FBLIM1: variants seen among roughly 807,000 people sequenced by gnomAD.
FBLIM1 encodes filamin binding LIM protein 1.
In FBLIM1, 29 loss-of-function variants were observed where a neutral mutation model predicts 37.4. That is an observed-to-expected ratio of 0.77 (90% CI 0.58 to 1.06). The LOEUF is 1.06. Ranked by LOEUF, FBLIM1 falls within the 50% of genes least tolerant of loss-of-function variation. The probability of loss-of-function intolerance (pLI) is 0.00; values close to 1 mark genes in which losing one functional copy is unlikely to be tolerated. For synonymous variants in FBLIM1, 193 were observed against 199.0 expected (o/e 0.97, Z 0.25); for missense variants, 449 against 505.6 (o/e 0.89, Z 1.07).
Position 15,777,264 on chromosome 1 carries a change from C to G in FBLIM1, c.985C>G (p.His329Asp). Residue 329 changes from histidine to aspartate, a missense_variant, in exon 8 of 9, where the codon CAT becomes GAT. His to Asp is a moderately conservative substitution (Grantham distance 81). Coordinates refer to ENST00000375766, the MANE Select transcript of FBLIM1 (RefSeq NM_017556.4). ...FKIECMGRNF[H>D]ENCYRCEDCR... ...AATCGAATGCATGGGAAGAAACTTC[C>G]ATGAAAATTGCTACAGGTGTGAGGT... 1.2e-6 allele frequency: 2 copies of G among 1,613,144 alleles called. No homozygotes were observed. Among genetic ancestry groups the G allele is most frequent in the Non-Finnish European group, 1.7e-6 (2 of 1,179,244 alleles).
chr1:15,766,891 C>CT (rs36087502), intron 3 of FBLIM1, among the ~76,000 whole-genome samples: 87,655 of 133,100 alleles, frequency 0.66, 30,031 homozygotes, highest in East Asian at 0.82. Flanking sequence ...CTGCACCCGG[C>CT]TTTTTTTTTT....
chr1:15,760,097 G>T (rs370280796), intron 1 of FBLIM1, among the ~76,000 whole-genome samples: 1 of 151,900 alleles, frequency 6.6e-6, no homozygotes, highest in Non-Finnish European at 1.5e-5. Context: ...GGTGGCGCGC[G>T]CCTGTAATCC....
intron 1 of FBLIM1, among the ~76,000 whole-genome samples, chr1:15,761,227 G>A (rs2068660949): frequency 6.6e-6 from 1 of 152,198 alleles, no homozygotes; most frequent in South Asian, 2.1e-4. Flanking sequence ...TTGGGCCATT[G>A]TAGAGTGAGA....
intron 8 of FBLIM1, among the ~76,000 whole-genome samples, chr1:15,784,346 C>T (rs2069722648): frequency 6.6e-6 from 1 of 152,206 alleles, no homozygotes. Flanking sequence ...TTAAAGCCTC[C>T]ATGTGTGTCT....
rs750319789 is a variant in FBLIM1, at chr1:15,777,302, G to C, written c.1008+15G>C. The C allele has an allele frequency of 1.9e-6, 3 of 1,591,964 alleles. No individual in the cohort carries two copies. The highest frequency in any genetic ancestry group is 2.2e-5 in the South Asian group (2 of 90,146). On this transcript the variant is annotated intron_variant, in intron 8 of 8. Coordinates refer to ENST00000375766, the MANE Select transcript of FBLIM1 (RefSeq NM_017556.4). ...ACAGGTGTGAGGTGAGTGGAGCCTA[G>C]GTGGTTTAATAACATTCCATTGCTG... is the stretch of plus-strand genomic sequence containing the variant.
chr1:15,777,668 G>A (rs140208053), intron 8 of FBLIM1, among the ~76,000 whole-genome samples: 2,327 of 151,356 alleles, frequency 0.015, 37 homozygotes, highest in Non-Finnish European at 0.022. Flanking sequence ...CTACCTCCAG[G>A]GTTCAGCAAT....
At position 15,786,221 on chromosome 1, in the gene FBLIM1, G is replaced by A. The variant is rs1263890692; in HGVS notation, c.*1560G>A. ...TTATCACTTCTAAGACATTTTGTAC[G>A]GCACGGACAAGTTAAACAGAATGTG... On this transcript the variant is annotated 3_prime_UTR_variant, in exon 9 of 9. Coordinates refer to ENST00000375766, the MANE Select transcript of FBLIM1 (RefSeq NM_017556.4). The A allele has an allele frequency of 6.6e-5, 10 of 152,184 alleles. No individual in the cohort carries two copies. The highest frequency in any genetic ancestry group is 1.3e-4 in the Admixed American group (2 of 15,268). The allele number at this position is 152,184 out of a possible 1,614,324, so 9.4% of individuals were successfully genotyped here.
chr1:15,776,126 A>G (rs537230146), intron 7 of FBLIM1, among the ~76,000 whole-genome samples: 2 of 152,212 alleles, frequency 1.3e-5, no homozygotes, highest in East Asian at 3.9e-4. Flanking sequence ...TATATAAAAA[A>G]CACATATGGG....
At chr1:15,781,613 T>TGCA (rs953909813) in intron 8 of FBLIM1, among the ~76,000 whole-genome samples, 3 of 151,762 alleles carry the variant, frequency 2.0e-5, no homozygotes, top group Admixed American at 2.0e-4. Context: ...TGGGTTTCCC[T>TGCA]GCACTGCCCA....
intron 8 of FBLIM1, among the ~76,000 whole-genome samples, chr1:15,778,734 G>A (rs1288697569): frequency 2.0e-5 from 3 of 151,808 alleles, no homozygotes; most frequent in South Asian, 2.1e-4. Flanking sequence ...TCCACCTCCC[G>A]AGTTCAAGCG....
Position 15,784,657 on chromosome 1 carries a change from GC to G in FBLIM1, c.1119del (p.Ter374GlufsTer19), listed in dbSNP as rs1199978031. 1.9e-6 allele frequency: 3 copies of G among 1,613,800 alleles called. No individual in the cohort carries two copies. Among genetic ancestry groups the G allele is most frequent in the South Asian group, 1.1e-5 (1 of 91,068 alleles). On this transcript the variant is annotated frameshift_variant, in exon 9 of 9. Coordinates refer to ENST00000375766, the MANE Select transcript of FBLIM1 (RefSeq NM_017556.4). LOFTEE classifies it high-confidence loss of function. Reference sequence around the variant, plus strand: ...GTGAAGCGGAGTGCTGCGGGGTGCTGCTGAGAGTGCCCGCTGGGCAGTGAAC... The same window carrying G: ...GTGAAGCGGAGTGCTGCGGGGTGCTGTGAGAGTGCCCGCTGGGCAGTGAAC... Reference protein sequence around the residue: ...CHVKRSAAGCC With the variant: ...CHVKRSAAGCX
At chr1:15,767,304 A>G (rs989543062) in intron 3 of FBLIM1, 72 bp from the exon 4 acceptor site, 52 of 1,404,458 alleles carry the variant, frequency 3.7e-5, no homozygotes, top group Non-Finnish European at 4.9e-5. Flanking sequence ...CTGTATGGCC[A>G]TGTAGGTAAG....
upstream of FBLIM1, among the ~76,000 whole-genome samples, chr1:15,756,931 T>C (rs1456767170): frequency 2.6e-5 from 4 of 152,114 alleles, no homozygotes; most frequent in Admixed American, 6.6e-5. Context: ...TCCACTTTTA[T>C]CTCTTAAATA....
intron 5 of FBLIM1, among the ~76,000 whole-genome samples, chr1:15,769,017 T>C (rs559260846): frequency 4.9e-4 from 75 of 152,252 alleles, no homozygotes; most frequent in African/African-American, 1.7e-3. Context: ...TCCTCTGTCA[T>C]TGAGCTCTCA....
At position 15,784,707 on chromosome 1, in the gene FBLIM1, C is replaced by G. The variant is rs1250931856; in HGVS notation, c.*46C>G. ...ACAGACCACTAGCCCCGGCTGGGGC[C>G]CTTCCCTGACTTGGTTTCCCTTCCT... On this transcript the variant is annotated 3_prime_UTR_variant, in exon 9 of 9. Transcript: ENST00000375766. 6.4e-7 allele frequency: 1 copy of G among 1,551,846 alleles called. No homozygotes were observed. Among genetic ancestry groups the G allele is most frequent in the Admixed American group, 1.7e-5 (1 of 58,326 alleles).
At chr1:15,763,482 C>T (rs1369856335) in intron 1 of FBLIM1, among the ~76,000 whole-genome samples, 1 of 150,454 alleles carries the variant, frequency 6.6e-6, no homozygotes, top group Non-Finnish European at 1.5e-5. Flanking sequence ...AATACAAAAA[C>T]AAAATTAGCC....
chr1:15,781,512 C>T (rs1005325438), intron 8 of FBLIM1, among the ~76,000 whole-genome samples: 3 of 86,174 alleles, frequency 3.5e-5, no homozygotes, highest in African/African-American at 4.7e-5. Context: ...CAGAGCAAGA[C>T]TCTGTCTCAA....
chr1:15,762,188 A>G (rs2068702070), intron 1 of FBLIM1, among the ~76,000 whole-genome samples: 1 of 151,250 alleles, frequency 6.6e-6, no homozygotes, highest in Non-Finnish European at 1.5e-5. Context: ...CCCAGGATTC[A>G]AGCGATTCTC....
In FBLIM1 at chr1:15,786,228, A is replaced by G. The variant is rs1478021044; in HGVS notation, c.*1567A>G. On this transcript the variant is annotated 3_prime_UTR_variant, in exon 9 of 9. Transcript: ENST00000375766. Reference sequence around the variant, plus strand: ...TTCTAAGACATTTTGTACGGCACGGACAAGTTAAACAGAATGTGCTTCCCT... The same window carrying G: ...TTCTAAGACATTTTGTACGGCACGGGCAAGTTAAACAGAATGTGCTTCCCT... The G allele has an allele frequency of 1.3e-5, 2 of 152,240 alleles. No homozygotes were observed. Among genetic ancestry groups the G allele is most frequent in the Non-Finnish European group, 2.9e-5 (2 of 68,052 alleles). The allele number at this position is 152,240 out of a possible 1,614,324, so 9.4% of individuals were successfully genotyped here.
Sources: gnomAD v4.1 joint callset for allele counts (sites outside exome capture counted in the v4.1 genomes callset) on GRCh38, gnomAD v4.1.1 for gene constraint, MANE v1.5 for transcripts, NCBI Gene and HGNC (gene_info 2026-07-23, HGNC 2026-07-21) for gene names.